Variants in RBSN observed in about 807,000 individuals in gnomAD.
The protein encoded by RBSN is rabenosyn-5.
Under a neutral mutation model 60.5 loss-of-function variants are expected in RBSN, and 34 were observed. That is an observed-to-expected ratio of 0.56 (90% CI 0.43 to 0.75). The LOEUF is 0.75. Among genes scored for constraint, RBSN ranks in the 30% least tolerant of loss-of-function variants. RBSN has a pLI of 0.00. For synonymous variants in RBSN, 322 were observed against 366.9 expected, an observed-to-expected ratio of 0.88 and a Z score of 1.40; for missense variants, 845 against 986.8, an observed-to-expected ratio of 0.86 and a Z score of 1.92.
intron 5 of RBSN, 52 bp from the exon 6 acceptor site, chr3:15,086,013 G>A (rs769586479): frequency 6.8e-7 from 1 of 1,480,532 alleles, no homozygotes; most frequent in South Asian, 1.1e-5. Context: ...CTCTGAGGGA[G>A]CCTAGTCTCT....
intron 10 of RBSN, among the ~76,000 whole-genome samples, chr3:15,080,294 T>C (rs2043171355): frequency 6.6e-6 from 1 of 150,756 alleles, no homozygotes. Context: ...GCCCACGGGC[T>C]GCAGTCTGCC....
At position 15,096,192 on chromosome 3, in the gene RBSN, C is replaced by A; in HGVS notation, c.-72G>T. The A allele has an allele frequency of 4.1e-6, 6 of 1,481,080 alleles. No individual in the cohort carries two copies. Among genetic ancestry groups the A allele is most frequent in the Non-Finnish European group, 5.4e-6 (6 of 1,113,984 alleles). The allele number at this position is 1,481,080 out of a possible 1,614,324, so 91.7% of individuals were successfully genotyped here. ...AGTCAGCTTGATTCCTCCCAAGGAA[C>A]CATGGTTCCCGCAGCATTAGCTTAA... is the stretch of plus-strand genomic sequence containing the variant. On this transcript the variant is annotated 5_prime_UTR_variant, in exon 4 of 14. Coordinates refer to ENST00000253699, the MANE Select transcript of RBSN (RefSeq NM_022340.4).
At chr3:15,088,675 C>T (rs888741918) in intron 5 of RBSN, among the ~76,000 whole-genome samples, 3 of 152,056 alleles carry the variant, frequency 2.0e-5, no homozygotes, top group African/African-American at 7.3e-5. Flanking sequence ...CCACTGCGCC[C>T]GGCTGTATAG....
At chr3:15,093,180 A>G (rs1409732680) in intron 4 of RBSN, among the ~76,000 whole-genome samples, 1 of 152,254 alleles carries the variant, frequency 6.6e-6, no homozygotes, top group Non-Finnish European at 1.5e-5. Flanking sequence ...TAACCATGTC[A>G]TAACATTTCT....
rs574183834 is a variant in RBSN at position 15,084,874 on chromosome 3, A to C, written c.459T>G (p.Pro153=). The part of the protein sequence containing the change: ...KIRAIEKSVV[P]WVNDQDVPFC... Reference sequence around the variant, plus strand: ...AAGGGACATCCTGGTCGTTGACCCAAGGCACCACAGACTTTTCTATTGCTT... The same window carrying C: ...AAGGGACATCCTGGTCGTTGACCCACGGCACCACAGACTTTTCTATTGCTT... The change falls in exon 8 of 14, where the codon CCT becomes CCG. Residue 153 remains proline, a synonymous_variant. Coordinates refer to ENST00000253699, the MANE Select transcript of RBSN (RefSeq NM_022340.4). This position sits in a 1 kb window ranked among gnomAD's most constrained non-coding sequence, Gnocchi z 4.2. The C allele has an allele frequency of 2.5e-6, 4 of 1,613,916 alleles. No homozygotes were observed.
chr3:15,077,969 C>A lies in RBSN; in HGVS notation c.998+106G>T. The A allele has an allele frequency of 1.1e-6, 1 of 951,670 alleles. No individual in the cohort carries two copies. The allele number at this position is 951,670 out of a possible 1,614,324, so 59.0% of individuals were successfully genotyped here. On this transcript the variant is annotated intron_variant, in intron 11 of 13. Coordinates refer to ENST00000253699, the MANE Select transcript of RBSN (RefSeq NM_022340.4). The surrounding 1 kb of genome is among the most constrained non-coding windows in gnomAD (Gnocchi z 4.4). Reference sequence around the variant, plus strand: ...CCTTGCCCTCCTCCTCACCCACTGCCCCATCACCAGAAGTCTGAGTGAGTG... The same window carrying A: ...CCTTGCCCTCCTCCTCACCCACTGCACCATCACCAGAAGTCTGAGTGAGTG...
intron 5 of RBSN, among the ~76,000 whole-genome samples, chr3:15,087,854 CAT>C (rs781297015): frequency 6.6e-6 from 1 of 152,186 alleles, no homozygotes; most frequent in Non-Finnish European, 1.5e-5. Context: ...TTCCTGGCCT[CAT>C]GTGATCTACC....
intron 13 of RBSN, chr3:15,075,192 AC>A (rs754057041): frequency 1.9e-5 from 11 of 579,286 alleles, no homozygotes; most frequent in African/African-American, 3.7e-5. Context: ...CAGGCCGTAT[AC>A]TTTTCTTAAA....
intron 5 of RBSN, 116 bp downstream of exon 5, chr3:15,090,283 A>T: frequency 8.9e-7 from 1 of 1,126,614 alleles, no homozygotes; most frequent in Non-Finnish European, 1.3e-6. Flanking sequence ...AAGGTCCATG[A>T]GAAGCTTAGA....
rs1423715281 is a variant in RBSN, at chr3:15,074,066, T to C, written c.2071A>G (p.Ser691Gly). ...TGCTGGGGATGTTCGTCTTCCTCAC[T>C]GAAGGGGTTAGGAGCTGGGCTGTCT... is the stretch of plus-strand genomic sequence containing the variant. Reference protein sequence around the residue: ...QPDSPAPNPFSEEDEHPQQRL... With the variant: ...QPDSPAPNPFGEEDEHPQQRL... The change falls in exon 14 of 14, where the codon AGT (serine) becomes GGT (glycine). Residue 691 changes from serine (S) to glycine (G), a missense_variant. Ser to Gly is a moderately conservative substitution (Grantham distance 56). Coordinates refer to ENST00000253699, the MANE Select transcript of RBSN (RefSeq NM_022340.4). This position sits in a 1 kb window ranked among gnomAD's most constrained non-coding sequence, Gnocchi z 6.4. The C allele has an allele frequency of 6.2e-7, 1 of 1,614,028 alleles. No individual in the cohort carries two copies. Among genetic ancestry groups the C allele is most frequent in the East Asian group, 2.2e-5 (1 of 44,868 alleles).
chr3:15,075,069 G>T, intron 13 of RBSN, 139 bp from the exon 14 acceptor site: 1 of 1,042,964 alleles, frequency 9.6e-7, no homozygotes. Flanking sequence ...ATATCCAACT[G>T]CTAAAATCAA....
At chr3:15,079,409 T>C (rs1212996804) in intron 10 of RBSN, among the ~76,000 whole-genome samples, 2 of 151,498 alleles carry the variant, frequency 1.3e-5, no homozygotes, top group Non-Finnish European at 2.9e-5. Flanking sequence ...ATAGTTACCA[T>C]AAAACCCAGC....
rs554178651 is a variant in RBSN, at chr3:15,081,079, T to A, written c.841-277A>T. On this transcript the variant is annotated intron_variant, in intron 9 of 13. Coordinates refer to ENST00000253699, the MANE Select transcript of RBSN (RefSeq NM_022340.4). ...CCCAAGGTGGAGTACAATGGCGCGA[T>A]CTCCACTCACTGCAACCTCTGCCTC... 6.2e-5 allele frequency: 22 copies of A among 355,392 alleles called. No homozygotes were observed. The South Asian group carries it at 8.3e-4, about 13-fold the overall frequency. The allele number at this position is 355,392 out of a possible 1,614,324, so 22.0% of individuals were successfully genotyped here.
intron 13 of RBSN, 97 bp from the exon 14 acceptor site, chr3:15,075,027 G>A: frequency 1.4e-6 from 2 of 1,383,120 alleles, no homozygotes; most frequent in South Asian, 2.9e-5. Flanking sequence ...CCCTGTGCCA[G>A]TGACACTCCA....
chr3:15,088,029 C>T (rs1264191974), intron 5 of RBSN, among the ~76,000 whole-genome samples: 1 of 152,202 alleles, frequency 6.6e-6, no homozygotes, highest in Admixed American at 6.5e-5. Context: ...ATATTAACTG[C>T]TAAAATTTGC....
chr3:15,098,662 G>A (rs1352731829), intron 1 of RBSN, among the ~76,000 whole-genome samples: 1 of 151,876 alleles, frequency 6.6e-6, no homozygotes, highest in Non-Finnish European at 1.5e-5. Context: ...ACTCAATCCC[G>A]TGAAGCAGAC....
chr3:15,092,221 C>T (rs556776721), intron 4 of RBSN, among the ~76,000 whole-genome samples: 1 of 151,506 alleles, frequency 6.6e-6, no homozygotes, highest in East Asian at 1.9e-4. Flanking sequence ...AGATGTTGCC[C>T]AGGTTCGCAG....
intron 4 of RBSN, among the ~76,000 whole-genome samples, chr3:15,092,862 C>G (rs2043553019): frequency 6.6e-6 from 1 of 152,126 alleles, no homozygotes; most frequent in Admixed American, 6.5e-5. Flanking sequence ...ACCATTTAAC[C>G]ACTTTTAGGA....
intron 6 of RBSN, 101 bp from the exon 7 acceptor site, chr3:15,085,146 C>T: frequency 7.4e-7 from 1 of 1,348,848 alleles, no homozygotes; most frequent in Non-Finnish European, 1.0e-6. Context: ...ATTTGCATTC[C>T]TCAAGTCTCA....
Sources: gnomAD v4.1 joint callset for allele counts (sites outside exome capture counted in the v4.1 genomes callset) on GRCh38, gnomAD v4.1.1 for gene constraint, Gnocchi (gnomAD v3.1) non-coding constraint, MANE v1.5 for transcripts, NCBI Gene and HGNC (gene_info 2026-07-23, HGNC 2026-07-21) for gene names.